The following SCIN variants were observed in gnomAD, a reference collection of about 807,000 sequenced individuals.
SCIN encodes the protein adseverin.
In SCIN, 91 loss-of-function variants were observed where a neutral mutation model predicts 91.8. The observed-to-expected ratio is 0.99, with a 90% CI of 0.84 to 1.18. SCIN has a LOEUF of 1.18. Among genes scored for constraint, SCIN ranks in the 50% most tolerant of loss-of-function variants. SCIN has a pLI of 0.00. For missense variants in SCIN, 1,087 were observed against 863.9 expected, an observed-to-expected ratio of 1.26 and a Z score of -3.24; for synonymous variants, 367 against 312.6, an observed-to-expected ratio of 1.17 and a Z score of -1.84.
At chr7:12,584,396 A>C (rs73062646) in intron 3 of SCIN, among the ~76,000 whole-genome samples, 1,928 of 152,306 alleles carry the variant, frequency 0.013, 17 homozygotes, top group Middle Eastern at 0.027. Flanking sequence ...TATGGATATA[A>C]CCTAAATCCC....
intron 1 of SCIN, 161 bp downstream of exon 1, chr7:12,571,146 A>G: frequency 2.7e-6 from 2 of 742,494 alleles, no homozygotes; most frequent in Non-Finnish European, 4.2e-6. Context: ...CTTTCTCCCT[A>G]CCGAAGTCAA....
intron 3 of SCIN, among the ~76,000 whole-genome samples, chr7:12,589,796 G>T (rs1782679759): frequency 6.6e-6 from 1 of 152,150 alleles, no homozygotes; most frequent in Non-Finnish European, 1.5e-5. Flanking sequence ...GAGACTGTTG[G>T]GAGGTATTCT....
At chr7:12,579,868 C>T (rs1349994849) in intron 2 of SCIN, among the ~76,000 whole-genome samples, 1 of 152,174 alleles carries the variant, frequency 6.6e-6, no homozygotes, top group East Asian at 1.9e-4. Context: ...GAGGCGAGGT[C>T]ATGCCATTGC....
chr7:12,648,514 C>T (rs1290353774), intron 13 of SCIN, among the ~76,000 whole-genome samples: 2 of 152,140 alleles, frequency 1.3e-5, no homozygotes, highest in African/African-American at 4.8e-5. Context: ...CCAGGCTGGT[C>T]TTGAACTCCT....
At chr7:12,576,074 T>G (rs1464574511) in intron 1 of SCIN, among the ~76,000 whole-genome samples, 1 of 152,194 alleles carries the variant, frequency 6.6e-6, no homozygotes, top group Non-Finnish European at 1.5e-5. Context: ...GGTTTCAACC[T>G]GTAGTCAGGT....
At chr7:12,627,476 A>T (rs1261665215) in intron 8 of SCIN, among the ~76,000 whole-genome samples, 1 of 152,144 alleles carries the variant, frequency 6.6e-6, no homozygotes, top group Admixed American at 6.5e-5. Flanking sequence ...TTGTTCATTT[A>T]CTGCCAGATT....
chr7:12,651,409 A>G lies in SCIN; in HGVS notation c.1960-432A>G, dbSNP rs1784076097. Among the ~76,000 whole-genome samples, 1 of 152,146 alleles carries G rather than the reference A, an allele frequency of 6.6e-6. No individual in the cohort carries two copies. The highest frequency in any genetic ancestry group is 6.6e-5 in the Admixed American group (1 of 15,266). ...CTACAAAAGGCAGATTTGCAGGGCT[A>G]TTTCTGTTTGCAAGTCCTCTGAACA... On this transcript the variant is annotated intron_variant, in intron 14 of 15. Coordinates refer to ENST00000297029, the MANE Select transcript of SCIN (RefSeq NM_001112706.3). This position sits in a 1 kb window ranked among gnomAD's most constrained non-coding sequence, Gnocchi z 5.9.
rs1312938792 is a variant in SCIN, at chr7:12,644,149, T to C, written c.1593T>C (p.Asp531=). Reference sequence around the variant, plus strand: ...TCTTCATATTCCAGGTTGATGTTGATGCAAATTCACTGAATTCTAACGATG... The same window carrying C: ...TCTTCATATTCCAGGTTGATGTTGACGCAAATTCACTGAATTCTAACGATG... ...SITRIVEVDV[D]ANSLNSNDVF... The change falls in exon 12 of 16, where the codon GAT becomes GAC. Residue 531 remains aspartate (D), a synonymous_variant. Transcript: ENST00000297029. The C allele has an allele frequency of 7.4e-6, 12 of 1,612,216 alleles. 1 individual carries two copies. The East Asian group carries it at 2.5e-4, about 33-fold the overall frequency.
chr7:12,605,091 G>A (rs1049720318), intron 4 of SCIN, among the ~76,000 whole-genome samples: 2 of 151,710 alleles, frequency 1.3e-5, no homozygotes, highest in Non-Finnish European at 2.9e-5. Flanking sequence ...TTGCTCTGTC[G>A]CCCAGGCTGG....
Position 12,644,690 on chromosome 7 carries a change from A to G in SCIN, c.1866A>G (p.Lys622=), listed in dbSNP as rs768804565. The G allele has an allele frequency of 1.3e-5, 20 of 1,568,202 alleles. No homozygotes were observed. The highest frequency in any genetic ancestry group is 1.7e-5 in the Non-Finnish European group (20 of 1,155,844). The change falls in exon 13 of 16, where the codon AAA becomes AAG. Residue 622 remains lysine (K), a synonymous_variant. Coordinates refer to ENST00000297029, the MANE Select transcript of SCIN (RefSeq NM_001112706.3). ...HPPRLYGCSN[K]TGRFVIEEIP... ...CTCGGCTTTACGGCTGCTCTAACAA[A>G]ACTGGAAGATTTGTTGTAAGTGTCC...
At position 12,615,702 on chromosome 7, in the gene SCIN, A is replaced by AT. The variant is rs532437759; in HGVS notation, c.667-7090dup. On this transcript the variant is annotated intron_variant, in intron 4 of 15. Transcript: ENST00000297029. The stretch of plus-strand genomic sequence containing the variant: ...TTGGTTTAGGGTAATTGAGGTACAC[A>AT]TTTTTTTTTGGAAAGAATATACATT... Among the ~76,000 whole-genome samples the AT allele has an allele frequency of 5.0e-4, 76 of 150,984 alleles. No individual in the cohort carries two copies. The Middle Eastern group carries it at 0.017, about 34-fold the overall frequency.
At chr7:12,585,972 C>T (rs764595012) in intron 3 of SCIN, among the ~76,000 whole-genome samples, 1 of 152,252 alleles carries the variant, frequency 6.6e-6, no homozygotes, top group Non-Finnish European at 1.5e-5. Context: ...TCTGCTTCCA[C>T]TGTCCAGTGT....
rs761863211 is a variant in SCIN at position 12,581,086 on chromosome 7, T to C, written c.381T>C (p.Asn127=). Residue 127 remains asparagine (N), a synonymous_variant, in exon 3 of 16, where the codon AAT becomes AAC. Coordinates refer to ENST00000297029, the MANE Select transcript of SCIN (RefSeq NM_001112706.3). ...CTGGAGGCGTGGCATCTGGATTAAA[T>C]CATGTTCTTACGAACGACCTGACAG... ...YKAGGVASGL[N]HVLTNDLTAK... The C allele has an allele frequency of 1.8e-5, 28 of 1,551,312 alleles. No individual in the cohort carries two copies. Among genetic ancestry groups the C allele is most frequent in the Middle Eastern group, 3.4e-4 (2 of 5,970 alleles).
intron 3 of SCIN, among the ~76,000 whole-genome samples, chr7:12,590,269 G>A (rs533517614): frequency 6.6e-5 from 10 of 152,294 alleles, no homozygotes; most frequent in South Asian, 4.1e-4. Context: ...TCCTCTTGAC[G>A]GGATGAATGT....
intron 4 of SCIN, among the ~76,000 whole-genome samples, chr7:12,621,637 G>GTTTTT (rs60697843): frequency 2.7e-4 from 29 of 106,366 alleles, no homozygotes; most frequent in African/African-American, 5.0e-4. Context: ...AAGTGTTTTA[G>GTTTTT]TTTTTTTTTT....
At chr7:12,634,179 A>G (rs1248228924) in intron 9 of SCIN, among the ~76,000 whole-genome samples, 2 of 152,110 alleles carry the variant, frequency 1.3e-5, no homozygotes, top group Non-Finnish European at 2.9e-5. Context: ...ATATATTAGG[A>G]TTGGTGCAAA....
In SCIN at chr7:12,575,708, A is replaced by G. The variant is rs12056200; in HGVS notation, c.200-2356A>G. 9.2e-3 allele frequency among the ~76,000 whole-genome samples: 1,407 copies of G among 152,270 alleles called. 40 individuals carry two copies. The East Asian group carries it at 0.11, about 12-fold the overall frequency. On this transcript the variant is annotated intron_variant, in intron 1 of 15. Coordinates refer to ENST00000297029, the MANE Select transcript of SCIN (RefSeq NM_001112706.3). ...AGCATAGTATAACAGAACATAAAAG[A>G]CACCGGTAAAATCAGTGTAGGGAAA...
At chr7:12,601,515 G>A (rs1170727465) in intron 3 of SCIN, among the ~76,000 whole-genome samples, 2 of 152,192 alleles carry the variant, frequency 1.3e-5, no homozygotes, top group Admixed American at 1.3e-4. Flanking sequence ...GTGTGTGGGA[G>A]TGTTGTGAAA....
At chr7:12,621,425 G>T (rs1301526132) in intron 4 of SCIN, among the ~76,000 whole-genome samples, 2 of 152,192 alleles carry the variant, frequency 1.3e-5, no homozygotes, top group Non-Finnish European at 2.9e-5. Context: ...TTAAGAGTTA[G>T]AGTGTGCCTC....
Sources: gnomAD v4.1 joint callset for allele counts (sites outside exome capture counted in the v4.1 genomes callset) on GRCh38, gnomAD v4.1.1 for gene constraint, Gnocchi (gnomAD v3.1) non-coding constraint, MANE v1.5 for transcripts, NCBI Gene and HGNC (gene_info 2026-07-23, HGNC 2026-07-21) for gene names.